MTMR6: variants seen among roughly 807,000 people sequenced by gnomAD.
The protein encoded by MTMR6 is phosphatidylinositol-3,5-bisphosphate 3-phosphatase MTMR6.
In MTMR6, 47 loss-of-function variants were observed where a neutral mutation model predicts 80.1. The observed-to-expected ratio is 0.59, with a 90% confidence interval of 0.46 to 0.75. The LOEUF (loss-of-function observed/expected upper bound fraction) is 0.75. MTMR6 is among the 30% of genes least tolerant of loss of function. MTMR6 has a pLI of 0.00. For synonymous variants in MTMR6, 254 were observed against 253.0 expected (o/e 1.00, Z -0.04); for missense variants, 629 against 730.9 (o/e 0.86, Z 1.61).
At chr13:25,275,327 CAGG>C (rs1250948292) in intron 1 of MTMR6, among the ~76,000 whole-genome samples, 7 of 152,118 alleles carry the variant, frequency 4.6e-5, no homozygotes, top group Non-Finnish European at 1.0e-4. Flanking sequence ...GAGGCTGAGG[CAGG>C]AGAATTGCTT....
intron 1 of MTMR6, among the ~76,000 whole-genome samples, chr13:25,282,668 C>T (rs922729381): frequency 2.0e-5 from 3 of 150,880 alleles, no homozygotes; most frequent in East Asian, 2.0e-4. Context: ...TGCCGTGGCA[C>T]GATCTCGGCT....
chr13:25,267,373 A>G (rs1957482005), intron 3 of MTMR6, among the ~76,000 whole-genome samples: 1 of 152,078 alleles, frequency 6.6e-6, no homozygotes, highest in Admixed American at 6.6e-5. Flanking sequence ...CAAATCTATT[A>G]AATATTTTAG....
intron 1 of MTMR6, among the ~76,000 whole-genome samples, chr13:25,283,268 T>C (rs1957898098): frequency 6.6e-6 from 1 of 152,184 alleles, no homozygotes; most frequent in Non-Finnish European, 1.5e-5. Flanking sequence ...CCTCCACCTC[T>C]TCTTTGGTAG....
Position 25,270,069 on chromosome 13 carries a change from C to T in MTMR6, c.142-2128G>A, listed in dbSNP as rs189891045. On this transcript the variant is annotated intron_variant, in intron 2 of 13. Coordinates refer to ENST00000381801, the MANE Select transcript of MTMR6 (RefSeq NM_004685.5). ...GCATTATACTTATCAATTGACATCC[C>T]TAATCTGAAAATCTGAAATCTGAAA... Among the ~76,000 whole-genome samples, 314 of 152,246 alleles carry T rather than the reference C, an allele frequency of 2.1e-3. 3 individuals carry two copies. Among genetic ancestry groups the T allele is most frequent in the African/African-American group, 7.2e-3 (298 of 41,558 alleles).
intron 5 of MTMR6, among the ~76,000 whole-genome samples, chr13:25,265,469 C>T (rs1315632447): frequency 6.6e-6 from 1 of 152,156 alleles, no homozygotes; most frequent in Non-Finnish European, 1.5e-5. Flanking sequence ...GATCCAGGCA[C>T]AGTGGCTCAC....
At chr13:25,253,024 A>G (rs144121915) in intron 11 of MTMR6, among the ~76,000 whole-genome samples, 1 of 152,276 alleles carries the variant, frequency 6.6e-6, no homozygotes, top group East Asian at 1.9e-4. Context: ...GTAAGAGGCA[A>G]TAAAGAAATC....
rs1957538882 is a variant in MTMR6 at position 25,270,025 on chromosome 13, T to A, written c.142-2084A>T. Among the ~76,000 whole-genome samples, 3 of 152,198 alleles carry A rather than the reference T, an allele frequency of 2.0e-5. No individual in the cohort carries two copies. In the South Asian group the frequency reaches 6.2e-4, roughly 31 times the overall value. ...AGAAGTATTTCAAATTTTGGATTTT[T>A]AAAGATTTTGGTATATTTGCATTAT... On this transcript the variant is annotated intron_variant, in intron 2 of 13. Transcript: ENST00000381801.
intron 1 of MTMR6, among the ~76,000 whole-genome samples, chr13:25,286,853 T>C (rs1957963183): frequency 6.6e-6 from 1 of 152,198 alleles, no homozygotes; most frequent in South Asian, 2.1e-4. Flanking sequence ...TAATGTTAAT[T>C]TGAAGACGGT....
chr13:25,266,617 C>T (rs912652240), intron 3 of MTMR6, among the ~76,000 whole-genome samples: 1 of 151,964 alleles, frequency 6.6e-6, no homozygotes, highest in Non-Finnish European at 1.5e-5. Context: ...AATCACTTTC[C>T]CAAATGAGAT....
At chr13:25,261,585 T>A in intron 6 of MTMR6, 83 bp downstream of exon 6, 1 of 1,184,454 alleles carries the variant, frequency 8.4e-7, no homozygotes, top group African/African-American at 1.6e-5. Flanking sequence ...ATATTTTAAA[T>A]ATGGGCAAGT....
At chr13:25,269,741 TAATC>T (rs1288369564) in intron 2 of MTMR6, among the ~76,000 whole-genome samples, 1 of 151,948 alleles carries the variant, frequency 6.6e-6, no homozygotes, top group East Asian at 1.9e-4. Context: ...TGCATTTAAA[TAATC>T]AAGAAAAGCT....
Position 25,287,313 on chromosome 13 carries a change from T to C in MTMR6, c.-66A>G. The C allele has an allele frequency of 6.5e-7, 1 of 1,548,152 alleles. No homozygotes were observed. On this transcript the variant is annotated 5_prime_UTR_variant, in exon 1 of 14. Transcript: ENST00000381801. Reference sequence around the variant, plus strand: ...CCATACGGCTACAGAAACAGGGCGGTGACAGCGACAGAGAGCAAGCGGGAA... The same window carrying C: ...CCATACGGCTACAGAAACAGGGCGGCGACAGCGACAGAGAGCAAGCGGGAA...
At chr13:25,273,965 A>C in intron 2 of MTMR6, 106 bp downstream of exon 2, 1 of 782,514 alleles carries the variant, frequency 1.3e-6, no homozygotes, top group East Asian at 2.6e-5. Flanking sequence ...TTTGGTTGAG[A>C]TAGGTAACCA....
intron 1 of MTMR6, among the ~76,000 whole-genome samples, chr13:25,277,188 A>G (rs981897415): frequency 1.3e-5 from 2 of 152,316 alleles, no homozygotes; most frequent in African/African-American, 4.8e-5. Flanking sequence ...CCACACTGGA[A>G]ATCCGTGAAT....
rs1182425109 is a variant in MTMR6, at chr13:25,254,411, G to C, written c.1119C>G (p.Ile373Met). ...TCTCTGAAAATTTATGTCCAAAAGA[G>C]ATCCAATCCTTTTCTATTAAAACCT... ...GFMVLIEKDW[I>M]SFGHKFSERC... Residue 373 changes from isoleucine to methionine, a missense_variant, in exon 10 of 14, where the codon ATC becomes ATG. Coordinates refer to ENST00000381801, the MANE Select transcript of MTMR6 (RefSeq NM_004685.5). 3 of 1,567,774 alleles carry C rather than the reference G, an allele frequency of 1.9e-6. No homozygotes were observed. In the Admixed American group the frequency reaches 5.2e-5, roughly 27 times the overall value.
rs754865055 is a variant in MTMR6 at position 25,251,605 on chromosome 13, C to G, written c.1605+44G>C. Reference sequence around the variant, plus strand: ...ATACAAATATTAGTCTAATCGTAAACTAATTTCACATTCCAAATATATTAG... The same window carrying G: ...ATACAAATATTAGTCTAATCGTAAAGTAATTTCACATTCCAAATATATTAG... On this transcript the variant is annotated intron_variant, in intron 13 of 13. Transcript: ENST00000381801. This position sits in a 1 kb window ranked among gnomAD's most constrained non-coding sequence, Gnocchi z 4.1. 3 of 1,412,032 alleles carry G rather than the reference C, an allele frequency of 2.1e-6. No individual in the cohort carries two copies. In the East Asian group the frequency reaches 7.0e-5, roughly 33 times the overall value. The allele number at this position is 1,412,032 out of a possible 1,614,324, so 87.5% of individuals were successfully genotyped here.
chr13:25,272,474 G>A (rs1957601827), intron 2 of MTMR6, among the ~76,000 whole-genome samples: 1 of 151,860 alleles, frequency 6.6e-6, no homozygotes, highest in Non-Finnish European at 1.5e-5. Flanking sequence ...GTGGGTACAT[G>A]TGCAGGTTTG....
rs1957029035 is a variant in MTMR6 at position 25,248,827 on chromosome 13, A to G, written c.*405T>C. 6.4e-6 allele frequency: 1 copy of G among 157,004 alleles called. No individual in the cohort carries two copies. Among genetic ancestry groups the G allele is most frequent in the Admixed American group, 6.5e-5 (1 of 15,466 alleles). The allele number at this position is 157,004 out of a possible 1,614,324, so 9.7% of individuals were successfully genotyped here. A position where few individuals can be genotyped will look rare whatever the true frequency, so the allele number is the denominator to read the frequency against. ...AAATATGTAAATATTCATAGTTACA[A>G]AGCTACATAATTGAAAGTACATGCC... On this transcript the variant is annotated 3_prime_UTR_variant, in exon 14 of 14. Transcript: ENST00000381801.
rs1957024551 is a variant in MTMR6, at chr13:25,248,504, A to G, written c.*728T>C. 1 of 152,142 alleles carries G rather than the reference A, an allele frequency of 6.6e-6. No homozygotes were observed. The highest frequency in any genetic ancestry group is 1.5e-5 in the Non-Finnish European group (1 of 67,980). 9.4% of individuals were successfully genotyped at this position (152,142 alleles called of 1,614,324 possible). A position where few individuals can be genotyped will look rare whatever the true frequency, so the allele number is the denominator to read the frequency against. The stretch of plus-strand genomic sequence containing the variant: ...TAATAAATTATCAAATGTAGCACTA[A>G]ACAAATTATGATCAGAATAAACCTT... On this transcript the variant is annotated 3_prime_UTR_variant, in exon 14 of 14. Transcript: ENST00000381801.
Sources: gnomAD v4.1 joint callset for allele counts (sites outside exome capture counted in the v4.1 genomes callset) on GRCh38, gnomAD v4.1.1 for gene constraint, Gnocchi (gnomAD v3.1) non-coding constraint, MANE v1.5 for transcripts, NCBI Gene and HGNC (gene_info 2026-07-23, HGNC 2026-07-21) for gene names.